Variants in SNW1 observed in about 807,000 individuals in gnomAD.
SNW1 encodes the protein SNW domain containing 1.
SNW1 carries 9 observed loss-of-function variants against 75.6 expected under a neutral mutation model. The observed-to-expected ratio is 0.12, with a 90% CI of 0.07 to 0.21. The LOEUF (loss-of-function observed/expected upper bound fraction) is 0.21, where lower values mean the gene tolerates loss of function less well. SNW1 is among the 10% of genes least tolerant of loss of function. The probability of loss-of-function intolerance (pLI) is 1.00; values close to 1 mark genes in which losing one functional copy is unlikely to be tolerated. For missense variants in SNW1, 409 were observed against 670.9 expected, an observed-to-expected ratio of 0.61 and a Z score of 4.31; for synonymous variants, 200 against 219.1, an observed-to-expected ratio of 0.91 and a Z score of 0.77.
Position 77,718,075 on chromosome 14 carries a change from G to GATCC in SNW1, c.*12_*13insGGAT. 2 of 1,547,964 alleles carry GATCC rather than the reference G, an allele frequency of 1.3e-6. No individual in the cohort carries two copies. The highest frequency in any genetic ancestry group is 4.5e-5 in the East Asian group (2 of 44,322). ...TATGGGTAAGAGTTCATTCACTTTG[G>GATCC]AGAGACCTGTGCCTATTCCTTCCTC... is the stretch of plus-strand genomic sequence containing the variant. On this transcript the variant is annotated 3_prime_UTR_variant, in exon 14 of 14. Coordinates refer to ENST00000261531, the MANE Select transcript of SNW1 (RefSeq NM_012245.3).
intron 10 of SNW1, among the ~76,000 whole-genome samples, chr14:77,726,540 C>T (rs2080586079): frequency 6.6e-6 from 1 of 152,092 alleles, no homozygotes; most frequent in Non-Finnish European, 1.5e-5. Flanking sequence ...TCCTAGGAGG[C>T]TATGTGCAGT....
intron 10 of SNW1, 110 bp downstream of exon 10, chr14:77,730,878 A>G: frequency 1.8e-6 from 2 of 1,123,376 alleles, no homozygotes; most frequent in African/African-American, 3.1e-5. Flanking sequence ...TGATGTATCT[A>G]AATTTTGTTT....
At chr14:77,744,135 CAAAAAAAA>C (rs11335114) in intron 3 of SNW1, among the ~76,000 whole-genome samples, 1 of 121,746 alleles carries the variant, frequency 8.2e-6, no homozygotes, top group Non-Finnish European at 1.7e-5. Flanking sequence ...GACTCCATCT[CAAAAAAAA>C]AAAAAAAGAA....
At chr14:77,732,768 G>C (rs1194096257) in intron 8 of SNW1, among the ~76,000 whole-genome samples, 167 bp from the exon 9 acceptor site, 3 of 152,156 alleles carry the variant, frequency 2.0e-5, no homozygotes, top group East Asian at 1.9e-4. Flanking sequence ...GGGTTCAAGC[G>C]AGTCTCCTAC....
At chr14:77,724,612 C>T (rs1048061624) in intron 10 of SNW1, among the ~76,000 whole-genome samples, 3 of 152,200 alleles carry the variant, frequency 2.0e-5, no homozygotes, top group African/African-American at 4.8e-5. Context: ...ATTCAGTATT[C>T]GTTTTTCTGT....
chr14:77,751,293 A>C, intron 3 of SNW1, 26 bp downstream of exon 3: 2 of 1,579,672 alleles, frequency 1.3e-6, no homozygotes, highest in Non-Finnish European at 1.7e-6. Context: ...AATATTTATC[A>C]TTCAGGGAAA....
chr14:77,742,678 G>GT (rs2080727830), intron 3 of SNW1, among the ~76,000 whole-genome samples: 1 of 151,954 alleles, frequency 6.6e-6, no homozygotes, highest in Admixed American at 6.6e-5. Flanking sequence ...AGTTGTTACG[G>GT]TTTTTTAGGG....
intron 10 of SNW1, among the ~76,000 whole-genome samples, chr14:77,726,998 T>C (rs183293081): frequency 6.6e-6 from 1 of 152,260 alleles, no homozygotes; most frequent in African/African-American, 2.4e-5. Flanking sequence ...GGTGGCATCA[T>C]TAGGTTTTTC....
chr14:77,731,455 C>T (rs2080626421), intron 9 of SNW1, among the ~76,000 whole-genome samples: 1 of 152,204 alleles, frequency 6.6e-6, no homozygotes, highest in African/African-American at 2.4e-5. Context: ...CTCCTGCAAT[C>T]CTAGCACTTT....
chr14:77,761,072 T>C, intron 1 of SNW1, 42 bp downstream of exon 1: 1 of 1,614,210 alleles, frequency 6.2e-7, no homozygotes, highest in Non-Finnish European at 8.5e-7. Flanking sequence ...AGACTGGTAC[T>C]CCCAGACCCT....
chr14:77,750,510 A>G lies in SNW1; in HGVS notation c.330+809T>C, dbSNP rs564051311. On this transcript the variant is annotated intron_variant, in intron 3 of 13. Coordinates refer to ENST00000261531, the MANE Select transcript of SNW1 (RefSeq NM_012245.3). ...AGCTCAGCAGCCATGATGCAGAAGC[A>G]AAGGATGGGTTGTTAGTGCTATTTT... Among the ~76,000 whole-genome samples the G allele has an allele frequency of 9.2e-5, 14 of 152,344 alleles. No individual in the cohort carries two copies. In the East Asian group the frequency reaches 2.5e-3, roughly 27 times the overall value.
intron 2 of SNW1, among the ~76,000 whole-genome samples, chr14:77,754,103 G>A (rs2080827411): frequency 6.6e-6 from 1 of 151,510 alleles, no homozygotes; most frequent in African/African-American, 2.4e-5. Context: ...GGAGTGCAAT[G>A]GTGCGATCTT....
chr14:77,736,811 A>G lies in SNW1; in HGVS notation c.638+160T>C, dbSNP rs1443777179. 3.9e-5 allele frequency among the ~76,000 whole-genome samples: 6 copies of G among 152,022 alleles called. No homozygotes were observed. In the East Asian group the frequency reaches 7.7e-4, roughly 20 times the overall value. ...CTTCCCCAGAGGCAACCACCTATCTACTTTCTGTAACTATAGGTTAGTTTG... is the reference window on the plus strand; with the variant it reads ...CTTCCCCAGAGGCAACCACCTATCTGCTTTCTGTAACTATAGGTTAGTTTG... On this transcript the variant is annotated intron_variant, in intron 6 of 13. Transcript: ENST00000261531.
chr14:77,731,621 C>A (rs2080627630), intron 9 of SNW1, among the ~76,000 whole-genome samples: 1 of 152,160 alleles, frequency 6.6e-6, no homozygotes, highest in Non-Finnish European at 1.5e-5. Context: ...CTTACATCTG[C>A]TAGATAATTT....
At chr14:77,733,660 G>A (rs1237747292) in intron 8 of SNW1, among the ~76,000 whole-genome samples, 2 of 141,568 alleles carry the variant, frequency 1.4e-5, no homozygotes, top group South Asian at 2.2e-4. Flanking sequence ...TGGGAGGATC[G>A]CCTGAGCCTG....
intron 3 of SNW1, among the ~76,000 whole-genome samples, chr14:77,747,157 G>T (rs557358950): frequency 2.0e-5 from 3 of 152,318 alleles, no homozygotes; most frequent in South Asian, 2.1e-4. Context: ...AACCGTGAGT[G>T]ATCTGCCAGC....
chr14:77,748,674 G>T (rs1421055192), intron 3 of SNW1, among the ~76,000 whole-genome samples: 1 of 151,772 alleles, frequency 6.6e-6, no homozygotes, highest in Non-Finnish European at 1.5e-5. Context: ...TGCAAGCTCT[G>T]CCTCCCAGGT....
chr14:77,725,883 T>G (rs1221461192), intron 10 of SNW1, among the ~76,000 whole-genome samples: 14 of 152,208 alleles, frequency 9.2e-5, no homozygotes, highest in Non-Finnish European at 4.4e-5. Context: ...ACCACTGCAC[T>G]CCAGGCTGGA....
At chr14:77,725,693 G>A (rs1443848413) in intron 10 of SNW1, among the ~76,000 whole-genome samples, 1 of 152,106 alleles carries the variant, frequency 6.6e-6, no homozygotes, top group Non-Finnish European at 1.5e-5. Flanking sequence ...TGAGGCGGGT[G>A]GATCACTTGA....
Sources: gnomAD v4.1 joint callset for allele counts (sites outside exome capture counted in the v4.1 genomes callset) on GRCh38, gnomAD v4.1.1 for gene constraint, MANE v1.5 for transcripts, NCBI Gene and HGNC (gene_info 2026-07-23, HGNC 2026-07-21) for gene names.